GRID2: variants seen among roughly 807,000 people sequenced by gnomAD.
The protein encoded by GRID2 is glutamate ionotropic receptor delta type subunit 2, also known as glutamate receptor ionotropic, delta-2.
A neutral mutation model predicts 114.8 loss-of-function variants in GRID2; 33 were observed. The ratio of observed to expected loss-of-function variants is 0.29; its 90% CI spans 0.22 to 0.38. GRID2 has a LOEUF of 0.38. GRID2 is among the 10% of genes least tolerant of loss of function. The pLI, the probability that GRID2 is intolerant of heterozygous loss-of-function variation, is 1.00. For missense variants in GRID2, 1,184 were observed against 1,257.7 expected, an observed-to-expected ratio of 0.94 and a Z score of 0.89; for synonymous variants, 505 against 449.9, an observed-to-expected ratio of 1.12 and a Z score of -1.55.
chr4:92,655,394 AT>A (rs1732174640), intron 2 of GRID2, among the ~76,000 whole-genome samples: 1 of 151,288 alleles, frequency 6.6e-6, no homozygotes, highest in African/African-American at 2.4e-5. Context: ...TAATTTTTGG[AT>A]TGCTTTCTTC....
At chr4:92,463,497 ACTGT>A (rs1419793539) in intron 1 of GRID2, among the ~76,000 whole-genome samples, 1 of 152,000 alleles carries the variant, frequency 6.6e-6, no homozygotes, top group African/African-American at 2.4e-5. Flanking sequence ...TCAAAACTCC[ACTGT>A]CTCTGAGAAG....
chr4:93,548,706 G>A lies in GRID2; in HGVS notation c.2193+33295G>A, dbSNP rs779379309. ...CATAGTCATATTTTTTTAAGAAAGG[G>A]CAGAACTATCCAATTCTAATAGTGC... On this transcript the variant is annotated intron_variant, in intron 13 of 15. Coordinates refer to ENST00000282020, the MANE Select transcript of GRID2 (RefSeq NM_001510.4). 3.3e-4 allele frequency among the ~76,000 whole-genome samples: 50 copies of A among 152,136 alleles called. No homozygotes were observed. In the Middle Eastern group the frequency reaches 0.01, roughly 31 times the overall value.
chr4:93,158,964 C>T (rs1026910210), intron 4 of GRID2, among the ~76,000 whole-genome samples: 2 of 151,428 alleles, frequency 1.3e-5, no homozygotes, highest in Admixed American at 1.3e-4. Flanking sequence ...TTTTATGTTG[C>T]TTTGGTACAA....
At chr4:93,395,251 C>T (rs1765219039) in intron 8 of GRID2, among the ~76,000 whole-genome samples, 1 of 151,768 alleles carries the variant, frequency 6.6e-6, no homozygotes, top group Non-Finnish European at 1.5e-5. Flanking sequence ...ATCTAACTTA[C>T]AGTAATTGAT....
chr4:92,948,098 T>C (rs940367396), intron 2 of GRID2, among the ~76,000 whole-genome samples: 1 of 151,908 alleles, frequency 6.6e-6, no homozygotes, highest in African/African-American at 2.4e-5. Context: ...TTATGGCTCC[T>C]AATAATTTTT....
intron 1 of GRID2, among the ~76,000 whole-genome samples, chr4:92,398,343 CA>C (rs1730609865): frequency 6.6e-6 from 1 of 152,062 alleles, no homozygotes; most frequent in African/African-American, 2.4e-5. Context: ...ACCTGTTGCC[CA>C]GACTGGAGTG....
At chr4:93,121,604 A>G (rs1457296774) in intron 4 of GRID2, among the ~76,000 whole-genome samples, 1 of 152,132 alleles carries the variant, frequency 6.6e-6, no homozygotes, top group African/African-American at 2.4e-5. Context: ...TAGGGGTTCT[A>G]TATACATCTT....
intron 2 of GRID2, among the ~76,000 whole-genome samples, chr4:92,931,020 G>A (rs974839258): frequency 1.3e-5 from 2 of 150,858 alleles, no homozygotes; most frequent in South Asian, 2.1e-4. Flanking sequence ...GTTTCATGAG[G>A]CAGCATATCT....
Position 93,774,023 on chromosome 4 carries a change from A to G in GRID2, c.*1525A>G, listed in dbSNP as rs1057123237. On this transcript the variant is annotated 3_prime_UTR_variant, in exon 16 of 16. Coordinates refer to ENST00000282020, the MANE Select transcript of GRID2 (RefSeq NM_001510.4). ...ATTCTGTGTTTTTACGCAGCCATAC[A>G]CTTACTTTAATCTAACTCATTCTGT... The G allele has an allele frequency of 1.1e-4, 17 of 152,122 alleles. No individual in the cohort carries two copies. Among genetic ancestry groups the G allele is most frequent in the African/African-American group, 3.9e-4 (16 of 41,446 alleles). The allele number at this position is 152,122 out of a possible 1,614,324, so 9.4% of individuals were successfully genotyped here.
chr4:93,748,614 A>G (rs909417825), intron 14 of GRID2, among the ~76,000 whole-genome samples: 2 of 152,186 alleles, frequency 1.3e-5, no homozygotes, highest in African/African-American at 4.8e-5. Flanking sequence ...CCAAGATTTT[A>G]CTTAAAGGCA....
At chr4:93,073,756 G>T (rs939854592) in intron 2 of GRID2, among the ~76,000 whole-genome samples, 1 of 152,150 alleles carries the variant, frequency 6.6e-6, no homozygotes, top group Admixed American at 6.5e-5. Context: ...TTGGTTCCAG[G>T]ATCTTTCACA....
chr4:93,117,842 A>T (rs926709299), intron 4 of GRID2, among the ~76,000 whole-genome samples: 1 of 152,204 alleles, frequency 6.6e-6, no homozygotes. Context: ...ATGTTAAAGA[A>T]TCAGCAATGC....
intron 2 of GRID2, among the ~76,000 whole-genome samples, chr4:92,898,067 T>C (rs1013814530): frequency 2.6e-5 from 4 of 152,078 alleles, no homozygotes; most frequent in Non-Finnish European, 4.4e-5. Flanking sequence ...TATAAGAAAA[T>C]ACAAAACAAG....
At chr4:93,408,487 G>A (rs1766763078) in intron 9 of GRID2, among the ~76,000 whole-genome samples, 1 of 151,784 alleles carries the variant, frequency 6.6e-6, no homozygotes, top group Non-Finnish European at 1.5e-5. Context: ...AATTTATTAT[G>A]CAATAAAATA....
At chr4:92,516,826 T>C (rs947672121) in intron 1 of GRID2, among the ~76,000 whole-genome samples, 1 of 151,930 alleles carries the variant, frequency 6.6e-6, no homozygotes, top group African/African-American at 2.4e-5. Flanking sequence ...TTATACCCTT[T>C]CCAGGAATAC....
intron 14 of GRID2, among the ~76,000 whole-genome samples, chr4:93,697,863 ATG>A (rs373336727): frequency 2.9e-5 from 4 of 138,166 alleles, no homozygotes; most frequent in Admixed American, 1.4e-4. Context: ...TCATTCCACA[ATG>A]TGTGTATATA....
At chr4:93,506,516 T>C (rs181401708) in intron 12 of GRID2, among the ~76,000 whole-genome samples, 8 of 152,270 alleles carry the variant, frequency 5.3e-5, no homozygotes, top group Admixed American at 5.2e-4. Context: ...CCTGAGGCTG[T>C]CTTTTATCTA....
At chr4:93,060,583 TA>T (rs1727688958) in intron 2 of GRID2, among the ~76,000 whole-genome samples, 1 of 152,164 alleles carries the variant, frequency 6.6e-6, no homozygotes, top group Non-Finnish European at 1.5e-5. Flanking sequence ...CACGGGGCCA[TA>T]AGTGCTCATA....
chr4:93,728,592 A>C (rs1296097663), intron 14 of GRID2, among the ~76,000 whole-genome samples: 1 of 152,130 alleles, frequency 6.6e-6, no homozygotes, highest in Non-Finnish European at 1.5e-5. Context: ...GGGGTGTTAA[A>C]GTCTCCCATT....
Sources: gnomAD v4.1 joint callset for allele counts (sites outside exome capture counted in the v4.1 genomes callset) on GRCh38, gnomAD v4.1.1 for gene constraint, MANE v1.5 for transcripts, NCBI Gene and HGNC (gene_info 2026-07-23, HGNC 2026-07-21) for gene names.